ANKS6: variants seen among roughly 807,000 people sequenced by gnomAD.
ANKS6 encodes ankyrin repeat and sterile alpha motif domain containing 6, also known as ankyrin repeat and SAM domain-containing protein 6.
ANKS6 carries 47 observed loss-of-function variants against 77.9 expected under a neutral mutation model. That is an observed-to-expected ratio of 0.60 (90% CI 0.48 to 0.77). The LOEUF (loss-of-function observed/expected upper bound fraction) is 0.77, where lower values mean the gene tolerates loss of function less well. ANKS6 is among the 30% of genes least tolerant of loss of function. ANKS6 has a pLI of 0.00. For missense variants in ANKS6, 1,150 were observed against 1,159.1 expected (o/e 0.99, Z 0.11); for synonymous variants, 488 against 501.7 (o/e 0.97, Z 0.37).
At position 98,733,290 on chromosome 9, in the gene ANKS6, C is replaced by T. The variant is rs1294080113; in HGVS notation, c.*3229G>A. 3 of 985,422 alleles carry T rather than the reference C, an allele frequency of 3.0e-6. No individual in the cohort carries two copies. Among genetic ancestry groups the T allele is most frequent in the Non-Finnish European group, 3.6e-6 (3 of 829,994 alleles). The allele number at this position is 985,422 out of a possible 1,614,324, so 61.0% of individuals were successfully genotyped here. ...GCTGAAGAAGAGAGGCAGGAGCCCT[C>T]CGTGGCCAGCAGGGACTTGGACATC... On this transcript the variant is annotated 3_prime_UTR_variant, in exon 15 of 15. Transcript: ENST00000353234.
intron 2 of ANKS6, among the ~76,000 whole-genome samples, chr9:98,788,606 CTGAG>C (rs1834712319): frequency 6.6e-6 from 1 of 152,362 alleles, no homozygotes; most frequent in South Asian, 2.1e-4. Flanking sequence ...CTCTACTGGG[CTGAG>C]TATCTCACAC....
At chr9:98,778,607 A>G (rs1360340629) in intron 6 of ANKS6, among the ~76,000 whole-genome samples, 183 bp from the exon 7 acceptor site, 5 of 152,186 alleles carry the variant, frequency 3.3e-5, no homozygotes, top group Admixed American at 3.3e-4. Context: ...GTTACTCACT[A>G]AATCTTTCCT....
chr9:98,736,439 G>A lies in ANKS6; in HGVS notation c.*80C>T, dbSNP rs1426707730. 1.5e-5 allele frequency: 22 copies of A among 1,484,646 alleles called. No individual in the cohort carries two copies. The highest frequency in any genetic ancestry group is 4.9e-5 in the Admixed American group (2 of 40,590). The allele number at this position is 1,484,646 out of a possible 1,614,324, so 92.0% of individuals were successfully genotyped here. ...CATGACTAAGGCACAGCAGTGTGAC[G>A]GGGGCAGGGCTGGGGCTGTGGCCAC... On this transcript the variant is annotated 3_prime_UTR_variant, in exon 15 of 15. Transcript: ENST00000353234.
intron 12 of ANKS6, among the ~76,000 whole-genome samples, chr9:98,751,783 A>G (rs1465350656): frequency 6.6e-6 from 1 of 152,202 alleles, no homozygotes; most frequent in Non-Finnish European, 1.5e-5. Flanking sequence ...AAAACAGACA[A>G]TAAGAAGGCT....
chr9:98,790,710 T>C (rs777831854), intron 1 of ANKS6, 104 bp from the exon 2 acceptor site: 37 of 1,432,588 alleles, frequency 2.6e-5, no homozygotes, highest in Non-Finnish European at 3.1e-5. Context: ...CAGCTGCTCA[T>C]GATAAGAGGT....
chr9:98,758,902 C>T (rs771762952), intron 11 of ANKS6, among the ~76,000 whole-genome samples: 20 of 152,148 alleles, frequency 1.3e-4, no homozygotes, highest in Admixed American at 6.5e-5. Flanking sequence ...GAGTACAGTA[C>T]TTGTATACAG....
Position 98,736,382 on chromosome 9 carries a change from C to G in ANKS6, c.*137G>C. The G allele has an allele frequency of 7.0e-7, 1 of 1,432,408 alleles. No homozygotes were observed. Among genetic ancestry groups the G allele is most frequent in the Non-Finnish European group, 9.1e-7 (1 of 1,095,444 alleles). 88.7% of individuals were successfully genotyped at this position (1,432,408 alleles called of 1,614,324 possible). On this transcript the variant is annotated 3_prime_UTR_variant, in exon 15 of 15. Transcript: ENST00000353234. ...AAGTACTACCAATGAATGCCGTCGACGTGAAGTGGGCATCCCGAGCAAAGG... is the reference window on the plus strand; with the variant it reads ...AAGTACTACCAATGAATGCCGTCGAGGTGAAGTGGGCATCCCGAGCAAAGG...
chr9:98,749,245 C>G (rs1216189711), intron 13 of ANKS6, among the ~76,000 whole-genome samples: 1 of 152,144 alleles, frequency 6.6e-6, no homozygotes, highest in African/African-American at 2.4e-5. Flanking sequence ...CTCAGCTAAC[C>G]TCACACGAAC....
rs769651919 is a variant in ANKS6 at position 98,778,356 on chromosome 9, C to G, written c.1437G>C (p.Leu479=). 6.2e-7 allele frequency: 1 copy of G among 1,614,188 alleles called. No homozygotes were observed. Among genetic ancestry groups the G allele is most frequent in the Non-Finnish European group, 8.5e-7 (1 of 1,180,034 alleles). ...LKLMQTLPRG[L]SSNQPLPFSD... is the part of the protein sequence containing the mutation. ...AGAAAGGCAAAGGCTGGTTGCTGGA[C>G]AGCCCACGGGGCAGCGTCTGCATCA... is the stretch of plus-strand genomic sequence containing the variant. The change falls in exon 7 of 15, where the codon CTG becomes CTC. Residue 479 remains leucine, a synonymous_variant. Coordinates refer to ENST00000353234, the MANE Select transcript of ANKS6 (RefSeq NM_173551.5).
intron 11 of ANKS6, among the ~76,000 whole-genome samples, 176 bp from the exon 12 acceptor site, chr9:98,756,779 T>C (rs1238492447): frequency 6.6e-6 from 1 of 152,010 alleles, no homozygotes; most frequent in Admixed American, 6.6e-5. Flanking sequence ...TCAGAACAAT[T>C]AGAGGAAAAT....
intron 14 of ANKS6, among the ~76,000 whole-genome samples, chr9:98,737,302 G>A (rs1188408258): frequency 6.6e-6 from 1 of 152,174 alleles, no homozygotes; most frequent in East Asian, 1.9e-4. Context: ...GTTTGCTGAT[G>A]ACATGATCGT....
intron 13 of ANKS6, 43 bp from the exon 14 acceptor site, chr9:98,745,718 C>T (rs753104981): frequency 1.4e-6 from 2 of 1,467,434 alleles, no homozygotes; most frequent in South Asian, 1.1e-5. Context: ...CTGGATGCCA[C>T]AGTTTCTTCC....
chr9:98,789,026 GGTGT>G (rs1156463930), intron 2 of ANKS6, among the ~76,000 whole-genome samples: 1 of 150,566 alleles, frequency 6.6e-6, no homozygotes, highest in East Asian at 1.9e-4. Flanking sequence ...CTGATTGGAT[GGTGT>G]ATTTCTTTTT....
chr9:98,773,315 G>A (rs764321649), intron 9 of ANKS6, among the ~76,000 whole-genome samples: 5 of 152,164 alleles, frequency 3.3e-5, no homozygotes, highest in African/African-American at 1.2e-4. Context: ...GAATCCCTTC[G>A]TCTTGCCCAT....
In ANKS6 at chr9:98,733,158, G is replaced by A. The variant is rs991346734; in HGVS notation, c.*3361C>T. 55 of 971,728 alleles carry A rather than the reference G, an allele frequency of 5.7e-5. No individual in the cohort carries two copies. The highest frequency in any genetic ancestry group is 6.1e-5 in the Non-Finnish European group (50 of 817,520). The allele number at this position is 971,728 out of a possible 1,614,324, so 60.2% of individuals were successfully genotyped here. A position where few individuals can be genotyped will look rare whatever the true frequency, so the allele number is the denominator to read the frequency against. On this transcript the variant is annotated 3_prime_UTR_variant, in exon 15 of 15. Transcript: ENST00000353234. ...TCATCTTTGGAGACAGAGCGTACGA[G>A]TAGGGCTGGCACAGGGTAGATGCTC...
In ANKS6 at chr9:98,759,987, C is replaced by G. The variant is rs571017608; in HGVS notation, c.2143-3384G>C. On this transcript the variant is annotated intron_variant, in intron 11 of 14. Transcript: ENST00000353234. ...AGCTAGAAGGAGGATATTGAATCTT[C>G]CCAACACAAAGAAATAATAAATGTC... Among the ~76,000 whole-genome samples, 3 of 152,174 alleles carry G rather than the reference C, an allele frequency of 2.0e-5. No individual in the cohort carries two copies. In the South Asian group the frequency reaches 6.2e-4, roughly 32 times the overall value.
At chr9:98,774,384 A>G (rs1290705193) in intron 8 of ANKS6, among the ~76,000 whole-genome samples, 1 of 152,126 alleles carries the variant, frequency 6.6e-6, no homozygotes, top group East Asian at 1.9e-4. Flanking sequence ...AGGCAGGGGA[A>G]CTGGGAGAAC....
In ANKS6 at chr9:98,735,794, C is replaced by T. The variant is rs891292767; in HGVS notation, c.*725G>A. The T allele has an allele frequency of 5.6e-5, 69 of 1,231,584 alleles. No homozygotes were observed. Among genetic ancestry groups the T allele is most frequent in the Middle Eastern group, 3.1e-4 (1 of 3,230 alleles). 76.3% of individuals were successfully genotyped at this position (1,231,584 alleles called of 1,614,324 possible). A position where few individuals can be genotyped will look rare whatever the true frequency, so the allele number is the denominator to read the frequency against. ...ACTCTCTTTGCAATAAAGAAAAATG[C>T]GTTTGACATACACATCTCCAATGTA... On this transcript the variant is annotated 3_prime_UTR_variant, in exon 15 of 15. Transcript: ENST00000353234.
In ANKS6 at chr9:98,774,080, G is replaced by T; in HGVS notation, c.1618C>A (p.Leu540Ile). ...EKEDTLLTTM[L>I]RNGAPLTRLP... ...CTGGTGAGGGGAGCTCCGTTTCGAA[G>T]CTGAAAAAGACAGGCTGAGGGTTAG... The change falls in exon 9 of 15, where the codon CTT (leucine) becomes ATT (isoleucine). Residue 540 changes from leucine to isoleucine, a missense_variant and splice_region_variant. Transcript: ENST00000353234. The T allele has an allele frequency of 6.8e-7, 1 of 1,470,348 alleles. No individual in the cohort carries two copies. 91.1% of individuals were successfully genotyped at this position (1,470,348 alleles called of 1,614,324 possible). A position where few individuals can be genotyped will look rare whatever the true frequency, so the allele number is the denominator to read the frequency against.
Sources: allele counts gnomAD v4.1 joint callset (sites outside exome capture counted in the v4.1 genomes callset), GRCh38; gene constraint gnomAD v4.1.1; transcripts MANE v1.5; gene names NCBI Gene and HGNC (gene_info 2026-07-23, HGNC 2026-07-21).